CHST6: variants seen among roughly 807,000 people sequenced by gnomAD.
The protein encoded by CHST6 is N-acetylglucosamine 6-O-sulfotransferase 5.
For missense variants in CHST6, 698 were observed against 586.2 expected (o/e 1.19, Z -1.97); for synonymous variants, 309 against 276.4 (o/e 1.12, Z -1.17).
chr16:75,488,181 C>A (rs1231927615), intron 1 of CHST6, among the ~76,000 whole-genome samples: 1 of 152,084 alleles, frequency 6.6e-6, no homozygotes, highest in Non-Finnish European at 1.5e-5. Context: ...ATCCCAAAGC[C>A]ACCTGGGCAC....
chr16:75,479,547 G>C lies in CHST6; in HGVS notation c.282C>G (p.Asp94Glu). The change falls in exon 3 of 3, where the codon GAC becomes GAG. Residue 94 changes from aspartate to glutamate, a missense_variant. Coordinates refer to ENST00000332272, the MANE Select transcript of CHST6 (RefSeq NM_021615.5). ...SAATLHMAVR[D>E]LVRSVFLCDM... ...CGCACAGGAAGACGGAGCGCACCAG[G>C]TCGCGCACAGCCATGTGCAGCGTTG... The C allele has an allele frequency of 6.2e-7, 1 of 1,613,002 alleles. No individual in the cohort carries two copies. The highest frequency in any genetic ancestry group is 8.5e-7 in the Non-Finnish European group (1 of 1,179,872).
At chr16:75,486,725 C>T (rs2080202486) in intron 1 of CHST6, among the ~76,000 whole-genome samples, 1 of 152,198 alleles carries the variant, frequency 6.6e-6, no homozygotes, top group African/African-American at 2.4e-5. Context: ...CCCATGGACC[C>T]CTCAGCTGAG....
In CHST6 at chr16:75,491,165, TAAAAAAAA is replaced by T. The variant is rs1168619782; in HGVS notation, c.-92+3767_-92+3774del. Reference sequence around the variant, plus strand: ...GGGTGACAAGAGTGAAACTCCGTCTTAAAAAAAAAAAAAAAAAAAAAAAAAATATATAT... The same window carrying T: ...GGGTGACAAGAGTGAAACTCCGTCTTAAAAAAAAAAAAAAAAAATATATAT... On this transcript the variant is annotated intron_variant, in intron 1 of 2. Coordinates refer to ENST00000332272, the MANE Select transcript of CHST6 (RefSeq NM_021615.5). Among the ~76,000 whole-genome samples the T allele has an allele frequency of 7.8e-3, 206 of 26,314 alleles. 1 individual carries two copies. Among genetic ancestry groups the T allele is most frequent in the African/African-American group, 0.022 (188 of 8,470 alleles). 17.3% of individuals were successfully genotyped at this position (26,314 alleles called of 152,430 possible).
intron 2 of CHST6, 77 bp from the exon 3 acceptor site, chr16:75,479,921 G>GCACT: frequency 3.1e-6 from 4 of 1,276,892 alleles, no homozygotes; most frequent in South Asian, 1.3e-5. Context: ...GTGCCCGCAG[G>GCACT]GGGCAGATTC....
intron 1 of CHST6, among the ~76,000 whole-genome samples, chr16:75,485,380 C>T (rs2080184911): frequency 6.6e-6 from 1 of 152,170 alleles, no homozygotes; most frequent in African/African-American, 2.4e-5. Flanking sequence ...GTGGGAGGAT[C>T]TCTTGAGCCC....
Position 75,479,616 on chromosome 16 carries a change from C to A in CHST6, c.213G>T (p.Glu71Asp), listed in dbSNP as rs376111601. Reference sequence around the variant, plus strand: ...GGGTGGTCCACACGTGCCACGCGGGCTCCATTAGGTAGAAGACGTCGGGGT... The same window carrying A: ...GGGTGGTCCACACGTGCCACGCGGGATCCATTAGGTAGAAGACGTCGGGGT... ...NQHPDVFYLM[E>D]PAWHVWTTLS... is the part of the protein sequence containing the mutation. The change falls in exon 3 of 3, where the codon GAG (glutamate) becomes GAT (aspartate). Residue 71 changes from glutamate (E) to aspartate (D), a missense_variant. Coordinates refer to ENST00000332272, the MANE Select transcript of CHST6 (RefSeq NM_021615.5). 1.9e-6 allele frequency: 3 copies of A among 1,612,770 alleles called. No homozygotes were observed. The African/African-American group carries it at 4.0e-5, about 22-fold the overall frequency.
chr16:75,492,172 G>A lies in CHST6; in HGVS notation c.-92+2768C>T, dbSNP rs190434244. Among the ~76,000 whole-genome samples, 6 of 152,370 alleles carry A rather than the reference G, an allele frequency of 3.9e-5. No homozygotes were observed. In the East Asian group the frequency reaches 7.7e-4, roughly 20 times the overall value. On this transcript the variant is annotated intron_variant, in intron 1 of 2. Transcript: ENST00000332272. The stretch of plus-strand genomic sequence containing the variant: ...AGGAGCCTCAAGCCTCCCTGGCTCA[G>A]AGCCACTGCCCTGGGGCATTTCAGA...
rs1454503457 is a variant in CHST6 at position 75,479,162 on chromosome 16, C to A, written c.667G>T (p.Gly223Cys). ...GTGCCGTTGGTGCCCAGCACGATGC[C>A]GTTGTCACGCGCCAGAGCCTTGGCT... ...QTAKALARDNGIVLGTNGTWV... is the reference protein window; with the variant it reads ...QTAKALARDNCIVLGTNGTWV... Residue 223 changes from glycine to cysteine, a missense_variant, in exon 3 of 3, where the codon GGC (glycine) becomes TGC (cysteine). By Grantham distance (159) the Gly-to-Cys change is radical. Transcript: ENST00000332272. 4 of 1,607,650 alleles carry A rather than the reference C, an allele frequency of 2.5e-6. No individual in the cohort carries two copies. The South Asian group carries it at 3.3e-5, about 13-fold the overall frequency.
rs558626765 is a variant in CHST6 at position 75,479,655 on chromosome 16, T to A, written c.174A>T (p.Gln58His). 3.7e-6 allele frequency: 6 copies of A among 1,612,178 alleles called. No homozygotes were observed. The highest frequency in any genetic ancestry group is 1.3e-5 in the African/African-American group (1 of 74,792). Residue 58 changes from glutamine to histidine, a missense_variant, in exon 3 of 3, where the codon CAA (glutamine) becomes CAT (histidine). By Grantham distance (24) the Gln-to-His change is conservative. Coordinates refer to ENST00000332272, the MANE Select transcript of CHST6 (RefSeq NM_021615.5). ...SWRSGSSFVG[Q>H]LFNQHPDVFY... ...AGACGTCGGGGTGCTGGTTGAAGAG[T>A]TGGCCCACGAAGGACGAGCCCGAGC... is the stretch of plus-strand genomic sequence containing the variant.
At position 75,478,944 on chromosome 16, in the gene CHST6, G is replaced by A. The variant is rs1375435270; in HGVS notation, c.885C>T (p.Leu295=). 1 of 1,613,136 alleles carries A rather than the reference G, an allele frequency of 6.2e-7. No individual in the cohort carries two copies. Among genetic ancestry groups the A allele is most frequent in the Admixed American group, 1.7e-5 (1 of 60,032 alleles). Residue 295 remains leucine, a synonymous_variant, in exon 3 of 3, where the codon CTC becomes CTT. Coordinates refer to ENST00000332272, the MANE Select transcript of CHST6 (RefSeq NM_021615.5). ...GGATCCAGGCCTCGAGCTGTGGCGTGAGACTGAGCCCAGTGAAGGCGTAGA... is the reference window on the plus strand; with the variant it reads ...GGATCCAGGCCTCGAGCTGTGGCGTAAGACTGAGCCCAGTGAAGGCGTAGA... ...RALYAFTGLS[L]TPQLEAWIHN...
chr16:75,474,963 T>C lies in CHST6; in HGVS notation c.*3678A>G. ...GGCATGTGCCACCACACCTGGCTAA[T>C]TTTTGTATTTTAACTAGAAATGGTG... On this transcript the variant is annotated 3_prime_UTR_variant, in exon 3 of 3. Coordinates refer to ENST00000332272, the MANE Select transcript of CHST6 (RefSeq NM_021615.5). 3.2e-6 allele frequency: 1 copy of C among 314,194 alleles called. No homozygotes were observed. Among genetic ancestry groups the C allele is most frequent in the Non-Finnish European group, 5.8e-6 (1 of 173,162 alleles). 19.5% of individuals were successfully genotyped at this position (314,194 alleles called of 1,614,324 possible).
intron 2 of CHST6, among the ~76,000 whole-genome samples, chr16:75,480,176 A>T (rs541170183): frequency 6.6e-6 from 1 of 152,306 alleles, no homozygotes; most frequent in East Asian, 1.9e-4. Flanking sequence ...GGAGAGGGAA[A>T]TATATTTCAA....
chr16:75,485,003 T>A (rs984567463), intron 1 of CHST6, among the ~76,000 whole-genome samples: 1 of 152,192 alleles, frequency 6.6e-6, no homozygotes, highest in African/African-American at 2.4e-5. Context: ...TGACGTTTCC[T>A]ATCTCTCATG....
At position 75,478,881 on chromosome 16, in the gene CHST6, G is replaced by A; in HGVS notation, c.948C>T (p.Arg316=). 6.8e-6 allele frequency: 11 copies of A among 1,613,396 alleles called. No homozygotes were observed. The highest frequency in any genetic ancestry group is 1.1e-5 in the South Asian group (1 of 91,090). ...TCCTGGACGAAGTCTTGAAGGCTTCGCGGCGCGCACCAGGTCCAGATCCGT... is the reference window on the plus strand; with the variant it reads ...TCCTGGACGAAGTCTTGAAGGCTTCACGGCGCGCACCAGGTCCAGATCCGT... The part of the protein sequence containing the change: ...ITHGSGPGAR[R]EAFKTSSRNA... Residue 316 remains arginine, a synonymous_variant, in exon 3 of 3, where the codon CGC becomes CGT. Coordinates refer to ENST00000332272, the MANE Select transcript of CHST6 (RefSeq NM_021615.5).
chr16:75,493,964 C>A (rs562858326), intron 1 of CHST6, among the ~76,000 whole-genome samples: 11 of 152,310 alleles, frequency 7.2e-5, no homozygotes, highest in Middle Eastern at 3.4e-3. Flanking sequence ...TCTGCCTCAG[C>A]CTCCCAAGTA....
At position 75,478,756 on chromosome 16, in the gene CHST6, T is replaced by C; in HGVS notation, c.1073A>G (p.Tyr358Cys). The change falls in exon 3 of 3, where the codon TAC (tyrosine) becomes TGC (cysteine). Residue 358 changes from tyrosine (Y) to cysteine (C), a missense_variant. Tyr to Cys is a radical substitution (Grantham distance 194). Transcript: ENST00000332272. ...CTCGTCCTCAGAGTACACAGGCCGGTAGCCCAGCAGCTGCAGCGCACCAGC... is the reference window on the plus strand; with the variant it reads ...CTCGTCCTCAGAGTACACAGGCCGGCAGCCCAGCAGCTGCAGCGCACCAGC... ...LCAGALQLLG[Y>C]RPVYSEDEQR... 1 of 1,613,504 alleles carries C rather than the reference T, an allele frequency of 6.2e-7. No individual in the cohort carries two copies. The highest frequency in any genetic ancestry group is 8.5e-7 in the Non-Finnish European group (1 of 1,180,002).
At chr16:75,480,074 A>C (rs1313889964) in intron 2 of CHST6, among the ~76,000 whole-genome samples, 1 of 127,836 alleles carries the variant, frequency 7.8e-6, no homozygotes, top group Non-Finnish European at 1.5e-5. Flanking sequence ...ATCTGTCTAC[A>C]TGTGAGTCCT....
rs144301922 is a variant in CHST6, at chr16:75,478,834, G to A, written c.995C>T (p.Ala332Val). Residue 332 changes from alanine to valine, a missense_variant, in exon 3 of 3, where the codon GCC becomes GTC. Transcript: ENST00000332272. ...GGCAAAGGGCAGCGCATGGCGCCAG[G>A]CCTGGGAGACGTTGAGCGCATTCCT... ...SSRNALNVSQ[A>V]WRHALPFAKI... 1.2e-6 allele frequency: 2 copies of A among 1,613,452 alleles called. No homozygotes were observed. The highest frequency in any genetic ancestry group is 2.7e-5 in the African/African-American group (2 of 75,062).
intron 1 of CHST6, among the ~76,000 whole-genome samples, chr16:75,488,420 T>C (rs1172617504): frequency 1.4e-5 from 2 of 145,854 alleles, no homozygotes; most frequent in South Asian, 2.1e-4. Flanking sequence ...TGAGCAGAGA[T>C]CATGAGCCAT....
Sources: gnomAD v4.1 joint callset for allele counts (sites outside exome capture counted in the v4.1 genomes callset) on GRCh38, gnomAD v4.1.1 for gene constraint, MANE v1.5 for transcripts, NCBI Gene and HGNC (gene_info 2026-07-23, HGNC 2026-07-21) for gene names.